CDH13: variants seen among roughly 807,000 people sequenced by gnomAD.
CDH13 encodes the protein cadherin-13.
In CDH13, 24 loss-of-function variants were observed where a neutral mutation model predicts 63.8. The observed-to-expected ratio is 0.38, with a 90% CI of 0.27 to 0.53. The LOEUF is 0.53. Among genes scored for constraint, CDH13 ranks in the 20% least tolerant of loss-of-function variants. The probability of loss-of-function intolerance (pLI) is 0.85; values close to 1 mark genes in which losing one functional copy is unlikely to be tolerated. For synonymous variants in CDH13, 503 were observed against 355.3 expected (o/e 1.42, Z -4.67); for missense variants, 1,049 against 903.1 (o/e 1.16, Z -2.07).
intron 1 of CDH13, among the ~76,000 whole-genome samples, chr16:82,653,401 A>T (rs1216479702): frequency 6.6e-6 from 1 of 152,220 alleles, no homozygotes; most frequent in Non-Finnish European, 1.5e-5. Context: ...GACCAGCCCA[A>T]CTTTGGAGGA....
At chr16:82,849,346 A>T (rs1485200707) in intron 1 of CDH13, among the ~76,000 whole-genome samples, 1 of 152,234 alleles carries the variant, frequency 6.6e-6, no homozygotes, top group African/African-American at 2.4e-5. Context: ...TACTAAAACT[A>T]CAAAAATTAG....
At chr16:83,024,379 T>C (rs1327397699) in intron 2 of CDH13, among the ~76,000 whole-genome samples, 1 of 152,162 alleles carries the variant, frequency 6.6e-6, no homozygotes, top group African/African-American at 2.4e-5. Flanking sequence ...TTAAAAAATA[T>C]TAAGTAAATA....
chr16:82,764,822 T>A (rs956350519), intron 1 of CDH13, among the ~76,000 whole-genome samples: 3 of 151,762 alleles, frequency 2.0e-5, no homozygotes, highest in African/African-American at 4.8e-5. Context: ...ATTCTTTTTT[T>A]TTTTTTTTTG....
intron 3 of CDH13, among the ~76,000 whole-genome samples, chr16:83,035,950 A>G (rs1381124977): frequency 1.3e-5 from 2 of 152,178 alleles, no homozygotes; most frequent in East Asian, 3.9e-4. Flanking sequence ...CCCTGGGTTT[A>G]TTCAAGTCTT....
chr16:83,368,884 T>TTTTTTATA (rs1491400736), intron 6 of CDH13, among the ~76,000 whole-genome samples: 3 of 47,682 alleles, frequency 6.3e-5, no homozygotes, highest in Non-Finnish European at 1.1e-4. Context: ...GTATTCCATG[T>TTTTTTATA]TATATATATA....
chr16:82,703,809 A>T (rs2031254493), intron 1 of CDH13, among the ~76,000 whole-genome samples: 1 of 152,102 alleles, frequency 6.6e-6, no homozygotes, highest in Admixed American at 6.5e-5. Context: ...CCCATGTACA[A>T]CAATGTGTAT....
intron 5 of CDH13, among the ~76,000 whole-genome samples, chr16:83,325,386 C>T (rs1353810299): frequency 6.6e-6 from 1 of 152,020 alleles, no homozygotes; most frequent in African/African-American, 2.4e-5. Context: ...GACATTTCAC[C>T]CCAAATCTTT....
intron 1 of CDH13, among the ~76,000 whole-genome samples, chr16:82,740,875 T>C (rs1474006770): frequency 6.6e-6 from 1 of 152,010 alleles, no homozygotes; most frequent in Non-Finnish European, 1.5e-5. Context: ...TAGTGAAAAA[T>C]TGGGAAAAAT....
intron 5 of CDH13, among the ~76,000 whole-genome samples, chr16:83,249,330 T>A (rs189340660): frequency 6.6e-6 from 1 of 152,216 alleles, no homozygotes; most frequent in Non-Finnish European, 1.5e-5. Flanking sequence ...TAGCTTGATA[T>A]CAGCCATGGC....
chr16:83,008,782 C>T (rs966951145), intron 2 of CDH13, among the ~76,000 whole-genome samples: 1 of 152,096 alleles, frequency 6.6e-6, no homozygotes, highest in Non-Finnish European at 1.5e-5. Context: ...ACAGATTATT[C>T]TATATTAGTC....
At chr16:83,449,913 C>T (rs7193606) in intron 6 of CDH13, among the ~76,000 whole-genome samples, 32,172 of 152,162 alleles carry the variant, frequency 0.21, 3,580 homozygotes, top group Non-Finnish European at 0.25. Context: ...GCTGCTGTTT[C>T]TGTTTTTATT....
chr16:83,229,165 A>C (rs913984061), intron 5 of CDH13, among the ~76,000 whole-genome samples: 1 of 152,186 alleles, frequency 6.6e-6, no homozygotes, highest in Non-Finnish European at 1.5e-5. Flanking sequence ...GTGACATCCA[A>C]TTTGCATTTC....
chr16:83,417,793 T>G (rs2071596112), intron 6 of CDH13, among the ~76,000 whole-genome samples: 2 of 152,130 alleles, frequency 1.3e-5, no homozygotes, highest in African/African-American at 2.4e-5. Context: ...CTTTTCCAAT[T>G]GAACAAATCC....
chr16:82,649,514 G>T (rs1910481781), intron 1 of CDH13, among the ~76,000 whole-genome samples: 4 of 152,198 alleles, frequency 2.6e-5, no homozygotes. Flanking sequence ...TCTTTGAGAA[G>T]GTCCTTCCAG....
chr16:83,322,808 G>A (rs1362482959), intron 5 of CDH13, among the ~76,000 whole-genome samples: 1 of 152,090 alleles, frequency 6.6e-6, no homozygotes, highest in Non-Finnish European at 1.5e-5. Context: ...AGTACCTACA[G>A]GTTATAATTA....
chr16:83,320,222 T>G lies in CDH13; in HGVS notation c.637-24640T>G, dbSNP rs2090191847. Among the ~76,000 whole-genome samples the G allele has an allele frequency of 2.0e-5, 3 of 152,260 alleles. No homozygotes were observed. In the South Asian group the frequency reaches 6.2e-4, roughly 32 times the overall value. ...GCCTGGATAATTGTTCCTTTTTTTTTTTTGGTAGAAACAGGGTCTCATTCT... is the reference window on the plus strand; with the variant it reads ...GCCTGGATAATTGTTCCTTTTTTTTGTTTGGTAGAAACAGGGTCTCATTCT... On this transcript the variant is annotated intron_variant, in intron 5 of 13. Coordinates refer to ENST00000567109, the MANE Select transcript of CDH13 (RefSeq NM_001257.5).
intron 7 of CDH13, among the ~76,000 whole-genome samples, chr16:83,549,127 G>C (rs746551799): frequency 3.9e-5 from 6 of 152,078 alleles, no homozygotes; most frequent in Non-Finnish European, 7.4e-5. Context: ...GCTGAATCTC[G>C]GTTCACATGT....
intron 11 of CDH13, among the ~76,000 whole-genome samples, chr16:83,754,788 C>A (rs1326225371): frequency 6.6e-6 from 1 of 152,134 alleles, no homozygotes. Flanking sequence ...TTCAATTAAA[C>A]CTCTTTCTTT....
intron 1 of CDH13, among the ~76,000 whole-genome samples, chr16:82,743,142 T>C (rs1027258632): frequency 2.0e-5 from 3 of 152,240 alleles, no homozygotes; most frequent in Non-Finnish European, 4.4e-5. Context: ...TTTTTAAAAA[T>C]GTAGAACAAT....
Sources: gnomAD v4.1 joint callset for allele counts (sites outside exome capture counted in the v4.1 genomes callset) on GRCh38, gnomAD v4.1.1 for gene constraint, MANE v1.5 for transcripts, NCBI Gene and HGNC (gene_info 2026-07-23, HGNC 2026-07-21) for gene names.